Variants in DNAJC17 observed in about 807,000 individuals in gnomAD.
DNAJC17 encodes the protein dnaJ homolog subfamily C member 17.
A neutral mutation model predicts 48.1 loss-of-function variants in DNAJC17; 35 were observed. The ratio of observed to expected loss-of-function variants is 0.73; its 90% CI spans 0.56 to 0.96. DNAJC17 has a LOEUF of 0.96. Ranked by LOEUF, DNAJC17 falls within the 50% of genes least tolerant of loss-of-function variation. The pLI, the probability that DNAJC17 is intolerant of heterozygous loss-of-function variation, is 0.00. For synonymous variants in DNAJC17, 117 were observed against 142.7 expected, an observed-to-expected ratio of 0.82 and a Z score of 1.28; for missense variants, 355 against 377.1, an observed-to-expected ratio of 0.94 and a Z score of 0.48.
intron 4 of DNAJC17, 93 bp downstream of exon 4, chr15:40,779,130 G>T: frequency 7.7e-7 from 1 of 1,303,258 alleles, no homozygotes. Flanking sequence ...AAGGCTTTGA[G>T]ATGAGTTGCT....
At chr15:40,768,778 G>A (rs548013621) in intron 10 of DNAJC17, among the ~76,000 whole-genome samples, 6 of 152,244 alleles carry the variant, frequency 3.9e-5, no homozygotes, top group Non-Finnish European at 8.8e-5. Flanking sequence ...TAAGGTCTGC[G>A]GTGGGAATTA....
At chr15:40,775,265 C>T (rs1178577957) in intron 7 of DNAJC17, 157 bp from the exon 8 acceptor site, 6 of 866,108 alleles carry the variant, frequency 6.9e-6, no homozygotes, top group Non-Finnish European at 1.1e-5. Flanking sequence ...CCCTTGGGAA[C>T]TTGAAGGCAG....
At chr15:40,801,542 G>A (rs1188453002) in intron 1 of DNAJC17, among the ~76,000 whole-genome samples, 2 of 152,044 alleles carry the variant, frequency 1.3e-5, no homozygotes, top group East Asian at 1.9e-4. Context: ...GGATCACGAG[G>A]TCAGGAGATC....
In DNAJC17 at chr15:40,784,483, T is replaced by C. The variant is rs143393180; in HGVS notation, c.79-4486A>G. The stretch of plus-strand genomic sequence containing the variant: ...GCTTTACATATATTAACTTATTTAA[T>C]TCTTAAAGCCCCTATGAGGTAGAAA... On this transcript the variant is annotated intron_variant, in intron 1 of 10. Transcript: ENST00000220496. Among the ~76,000 whole-genome samples, 283 of 152,312 alleles carry C rather than the reference T, an allele frequency of 1.9e-3. 2 individuals carry two copies. Among genetic ancestry groups the C allele is most frequent in the African/African-American group, 6.5e-3 (271 of 41,580 alleles).
At chr15:40,776,870 C>A in intron 4 of DNAJC17, 1 of 492,712 alleles carries the variant, frequency 2.0e-6, no homozygotes, top group Non-Finnish European at 3.7e-6. Flanking sequence ...CTCACACTGA[C>A]CAAGCTGGTT....
At position 40,767,066 on chromosome 15, in the gene DNAJC17, G is replaced by A; in HGVS notation, c.*874C>T. On this transcript the variant is annotated 3_prime_UTR_variant, in exon 11 of 11. Coordinates refer to ENST00000220496, the MANE Select transcript of DNAJC17 (RefSeq NM_018163.3). Reference sequence around the variant, plus strand: ...AGATAGCTCGTGAAGTACCTAGAAGGGGAGGAGGCAGGGGGCGTGCACTTA... The same window carrying A: ...AGATAGCTCGTGAAGTACCTAGAAGAGGAGGAGGCAGGGGGCGTGCACTTA... The A allele has an allele frequency of 3.5e-6, 2 of 565,778 alleles. No individual in the cohort carries two copies. The highest frequency in any genetic ancestry group is 5.9e-6 in the Non-Finnish European group (2 of 340,012). 35.0% of individuals were successfully genotyped at this position (565,778 alleles called of 1,614,324 possible). A position where few individuals can be genotyped will look rare whatever the true frequency, so the allele number is the denominator to read the frequency against.
intron 1 of DNAJC17, among the ~76,000 whole-genome samples, chr15:40,783,665 AC>A (rs753998068): frequency 1.3e-5 from 2 of 152,128 alleles, no homozygotes. Context: ...GGAGTTTGAG[AC>A]CAGCCTGGCC....
chr15:40,797,136 A>C (rs1374468392), intron 1 of DNAJC17, among the ~76,000 whole-genome samples: 1 of 152,166 alleles, frequency 6.6e-6, no homozygotes, highest in Non-Finnish European at 1.5e-5. Context: ...TTGGGAAGCC[A>C]AAGCAGAAGG....
At position 40,806,211 on chromosome 15, in the gene DNAJC17, T is replaced by A. The variant is rs1302875466; in HGVS notation, c.78+1158A>T. On this transcript the variant is annotated intron_variant, in intron 1 of 10. Coordinates refer to ENST00000220496, the MANE Select transcript of DNAJC17 (RefSeq NM_018163.3). ...GTACTGGGACATTAGTGGGCACTAT[T>A]TTTTTTTCCTTTTTTTTTTTTTTTT... 2.1e-5 allele frequency among the ~76,000 whole-genome samples: 3 copies of A among 143,302 alleles called. 1 individual carries two copies. Among genetic ancestry groups the A allele is most frequent in the Non-Finnish European group, 3.0e-5 (2 of 66,678 alleles). The allele number at this position is 143,302 out of a possible 152,430, so 94.0% of individuals were successfully genotyped here.
intron 1 of DNAJC17, among the ~76,000 whole-genome samples, chr15:40,785,577 T>A (rs1397414381): frequency 1.3e-5 from 2 of 152,160 alleles, no homozygotes; most frequent in Admixed American, 1.3e-4. Flanking sequence ...TCCTACAAGT[T>A]CCCAAACCTT....
intron 1 of DNAJC17, among the ~76,000 whole-genome samples, chr15:40,790,114 A>G (rs960341977): frequency 2.6e-5 from 4 of 152,148 alleles, no homozygotes; most frequent in African/African-American, 9.7e-5. Context: ...AGCTGTTCAG[A>G]GCAGCTTACT....
At chr15:40,773,969 A>C (rs760490387) in intron 9 of DNAJC17, 132 bp from the exon 10 acceptor site, 15 of 788,700 alleles carry the variant, frequency 1.9e-5, no homozygotes, top group Non-Finnish European at 2.4e-5. Flanking sequence ...GCAGCCTTCA[A>C]GTGATGGGTG....
chr15:40,787,430 G>A (rs1889669637), intron 1 of DNAJC17, among the ~76,000 whole-genome samples: 1 of 152,122 alleles, frequency 6.6e-6, no homozygotes, highest in Admixed American at 6.5e-5. Context: ...AAGGAAGTAG[G>A]TGCCATCCAG....
At chr15:40,783,522 T>C (rs1205654654) in intron 1 of DNAJC17, among the ~76,000 whole-genome samples, 1 of 152,092 alleles carries the variant, frequency 6.6e-6, no homozygotes, top group Non-Finnish European at 1.5e-5. Context: ...CCCAGGGATG[T>C]AGGGGGGTTT....
intron 1 of DNAJC17, among the ~76,000 whole-genome samples, chr15:40,790,037 C>T (rs1034758964): frequency 1.3e-5 from 2 of 151,600 alleles, no homozygotes; most frequent in Non-Finnish European, 2.9e-5. Context: ...TTTTGAATGC[C>T]ACTAACTTCA....
At chr15:40,779,856 G>A in intron 2 of DNAJC17, 72 bp downstream of exon 2, 2 of 1,520,746 alleles carry the variant, frequency 1.3e-6, no homozygotes, top group South Asian at 1.2e-5. Flanking sequence ...CTCACATGCA[G>A]AGCTTACATC....
chr15:40,771,092 G>A, intron 10 of DNAJC17: 4 of 1,421,134 alleles, frequency 2.8e-6, no homozygotes, highest in Middle Eastern at 2.2e-4. Context: ...GAAAGGACAG[G>A]GACAGGACTC....
intron 1 of DNAJC17, among the ~76,000 whole-genome samples, chr15:40,787,968 C>T (rs1889687021): frequency 6.6e-6 from 1 of 152,142 alleles, no homozygotes; most frequent in Non-Finnish European, 1.5e-5. Context: ...GTAAGTGGTA[C>T]AAGTAAAGAG....
Position 40,779,317 on chromosome 15 carries a change from G to A in DNAJC17, c.208-7C>T. The A allele has an allele frequency of 6.2e-7, 1 of 1,613,970 alleles. No individual in the cohort carries two copies. The highest frequency in any genetic ancestry group is 8.5e-7 in the Non-Finnish European group (1 of 1,180,008). ...TGACCTTGTCATATGCAGCCTGGCA[G>A]GAGAAAGGGGCACAGGGCAGAGGGT... is the stretch of plus-strand genomic sequence containing the variant. On this transcript the variant is annotated splice_polypyrimidine_tract_variant and splice_region_variant and intron_variant, in intron 3 of 10. Coordinates refer to ENST00000220496, the MANE Select transcript of DNAJC17 (RefSeq NM_018163.3).
Sources: gnomAD v4.1 joint callset for allele counts (sites outside exome capture counted in the v4.1 genomes callset) on GRCh38, gnomAD v4.1.1 for gene constraint, MANE v1.5 for transcripts, NCBI Gene and HGNC (gene_info 2026-07-23, HGNC 2026-07-21) for gene names.